Variants in ABTB2 observed in about 807,000 individuals in gnomAD.
ABTB2 encodes the protein ankyrin repeat and BTB/POZ domain-containing protein 2.
Under a neutral mutation model 104.1 loss-of-function variants are expected in ABTB2, and 56 were observed. The ratio of observed to expected loss-of-function variants is 0.54; its 90% CI spans 0.43 to 0.67. The LOEUF (loss-of-function observed/expected upper bound fraction) is 0.67, where lower values mean the gene tolerates loss of function less well. ABTB2 is among the 30% of genes least tolerant of loss of function. ABTB2 has a pLI of 0.00. For missense variants in ABTB2, 1,279 were observed against 1,407.7 expected (o/e 0.91, Z 1.46); for synonymous variants, 606 against 608.2 (o/e 1.00, Z 0.05).
chr11:34,276,423 A>G (rs1386386353), intron 1 of ABTB2, among the ~76,000 whole-genome samples: 1 of 152,098 alleles, frequency 6.6e-6, no homozygotes, highest in African/African-American at 2.4e-5. Flanking sequence ...TCCAGTTACT[A>G]CTCTTAAGGG....
Position 34,173,156 on chromosome 11 carries a change from T to C in ABTB2, c.1396A>G (p.Lys466Glu). The C allele has an allele frequency of 6.2e-7, 1 of 1,613,324 alleles. No homozygotes were observed. The highest frequency in any genetic ancestry group is 1.1e-5 in the South Asian group (1 of 91,038). The change falls in exon 4 of 17, where the codon AAA becomes GAA. Residue 466 changes from lysine (K) to glutamate (E), a missense_variant and splice_region_variant. Lys to Glu is a moderately conservative substitution (Grantham distance 56). Transcript: ENST00000435224. ...PGLDCEPRQL[K>E]PEHCFSSFRR... ...CCCTCCCTCCTCCCTGGTTCATACT[T>C]GAGCTGCCGAGGTTCACAGTCCAGA... is the stretch of plus-strand genomic sequence containing the variant.
intron 1 of ABTB2, among the ~76,000 whole-genome samples, chr11:34,296,359 G>C (rs1854623217): frequency 6.6e-6 from 1 of 152,164 alleles, no homozygotes; most frequent in African/African-American, 2.4e-5. Context: ...TTCATGGACA[G>C]TGGAAGATCC....
At chr11:34,311,581 A>T (rs1854855081) in intron 1 of ABTB2, among the ~76,000 whole-genome samples, 1 of 152,244 alleles carries the variant, frequency 6.6e-6, no homozygotes, top group African/African-American at 2.4e-5. Flanking sequence ...AGAGAGGGAG[A>T]GAGAGAACAC....
chr11:34,267,687 C>T (rs574970605), intron 1 of ABTB2, among the ~76,000 whole-genome samples: 10 of 152,284 alleles, frequency 6.6e-5, no homozygotes, highest in African/African-American at 2.2e-4. Flanking sequence ...ATGTTTGTTA[C>T]ACAAGGACTT....
In ABTB2 at chr11:34,252,370, G is replaced by C. The variant is rs906282421; in HGVS notation, c.884-47680C>G. On this transcript the variant is annotated intron_variant, in intron 1 of 16. Coordinates refer to ENST00000435224, the MANE Select transcript of ABTB2 (RefSeq NM_145804.3). This position sits in a 1 kb window ranked among gnomAD's most constrained non-coding sequence, Gnocchi z 5.5. ...TGGGGCTGACTTCCCTTTAGGAATA[G>C]GTGTCTTTGGAGCATCCAGGCAGCT... Among the ~76,000 whole-genome samples, 8 of 152,266 alleles carry C rather than the reference G, an allele frequency of 5.3e-5. No homozygotes were observed. Among genetic ancestry groups the C allele is most frequent in the African/African-American group, 1.9e-4 (8 of 41,538 alleles).
intron 1 of ABTB2, among the ~76,000 whole-genome samples, chr11:34,236,649 C>A (rs1198385113): frequency 3.3e-5 from 5 of 152,222 alleles, no homozygotes; most frequent in Admixed American, 2.6e-4. Flanking sequence ...AGGCCTTGAT[C>A]TCCTGGGGAA....
chr11:34,272,728 A>AAAAAAAAAAC (rs1565156120), intron 1 of ABTB2, among the ~76,000 whole-genome samples: 1 of 133,182 alleles, frequency 7.5e-6, no homozygotes, highest in African/African-American at 2.7e-5. Flanking sequence ...AAAAAAAAAA[A>AAAAAAAAAAC]AAACCAACCA....
At chr11:34,264,705 C>T (rs1854227447) in intron 1 of ABTB2, among the ~76,000 whole-genome samples, 1 of 152,172 alleles carries the variant, frequency 6.6e-6, no homozygotes, top group South Asian at 2.1e-4. Context: ...ATGGACTGGC[C>T]ACACTTCAAT....
chr11:34,168,269 T>C (rs1433602618), intron 5 of ABTB2, among the ~76,000 whole-genome samples: 2 of 152,250 alleles, frequency 1.3e-5, no homozygotes. Flanking sequence ...CATGGGGAGC[T>C]GTAAACTTTA....
intron 1 of ABTB2, among the ~76,000 whole-genome samples, chr11:34,262,704 C>A (rs766997561): frequency 1.3e-5 from 2 of 152,132 alleles, no homozygotes; most frequent in Non-Finnish European, 2.9e-5. Flanking sequence ...TAGCAAAGCT[C>A]AAATAAAGGG....
At chr11:34,167,452 T>C in intron 6 of ABTB2, 92 bp from the exon 7 acceptor site, 1 of 1,008,394 alleles carries the variant, frequency 9.9e-7, no homozygotes, top group Non-Finnish European at 1.5e-6. Context: ...ACAAGTGCTT[T>C]CTACATTCGA....
chr11:34,244,731 G>A (rs1853964575), intron 1 of ABTB2, among the ~76,000 whole-genome samples: 1 of 152,112 alleles, frequency 6.6e-6, no homozygotes, highest in East Asian at 1.9e-4. Context: ...GCGATTCTAG[G>A]GTCCCTTATA....
intron 1 of ABTB2, among the ~76,000 whole-genome samples, chr11:34,237,276 C>CT (rs561473313): frequency 0.056 from 6,476 of 116,214 alleles, 294 homozygotes; most frequent in African/African-American, 0.083. Flanking sequence ...CCTGGATATT[C>CT]TTTTTTTTTT....
intron 1 of ABTB2, among the ~76,000 whole-genome samples, chr11:34,281,095 G>A (rs564536471): frequency 1.3e-5 from 2 of 152,178 alleles, no homozygotes; most frequent in Admixed American, 1.3e-4. Context: ...GGCATTCCAG[G>A]AATGGGAACC....
At chr11:34,337,790 G>A (rs968096189) in intron 1 of ABTB2, among the ~76,000 whole-genome samples, 1 of 151,916 alleles carries the variant, frequency 6.6e-6, no homozygotes, top group African/African-American at 2.4e-5. Flanking sequence ...TATCACCACC[G>A]ACTCATCACA....
chr11:34,236,071 A>G (rs2133060055), intron 1 of ABTB2, among the ~76,000 whole-genome samples: 1 of 152,288 alleles, frequency 6.6e-6, no homozygotes, highest in Admixed American at 6.5e-5. Context: ...GCTGGTGGGT[A>G]CACCCCTGCA....
At chr11:34,187,006 G>A (rs1853109476) in intron 3 of ABTB2, among the ~76,000 whole-genome samples, 1 of 152,118 alleles carries the variant, frequency 6.6e-6, no homozygotes, top group African/African-American at 2.4e-5. Context: ...TGATACAACC[G>A]ACCTCCATTC....
chr11:34,159,863 T>G (rs750378604), intron 13 of ABTB2, 43 bp downstream of exon 13: 8 of 1,492,214 alleles, frequency 5.4e-6, no homozygotes, highest in Admixed American at 1.7e-5. Flanking sequence ...ACAAGGTGCT[T>G]CTGTGCCCCT....
intron 1 of ABTB2, among the ~76,000 whole-genome samples, chr11:34,207,277 A>G (rs1853420827): frequency 1.3e-5 from 2 of 152,248 alleles, no homozygotes; most frequent in Non-Finnish European, 2.9e-5. Flanking sequence ...GTAAGGGAAT[A>G]GGAAATTCAG....
Sources: allele counts gnomAD v4.1 joint callset (sites outside exome capture counted in the v4.1 genomes callset), GRCh38; gene constraint gnomAD v4.1.1; non-coding constraint Gnocchi (gnomAD v3.1); transcripts MANE v1.5; gene names NCBI Gene and HGNC (gene_info 2026-07-23, HGNC 2026-07-21).